The following GRID2 variants were observed in gnomAD, a reference collection of about 807,000 sequenced individuals.
GRID2 encodes glutamate ionotropic receptor delta type subunit 2.
GRID2 carries 33 observed loss-of-function variants against 114.8 expected under a neutral mutation model. The ratio of observed to expected loss-of-function variants is 0.29; its 90% confidence interval spans 0.22 to 0.38. GRID2 has a LOEUF of 0.38. Ranked by LOEUF, GRID2 falls within the 10% of genes least tolerant of loss-of-function variation. The pLI is 1.00. For synonymous variants in GRID2, 505 were observed against 449.9 expected, an observed-to-expected ratio of 1.12 and a Z score of -1.55; for missense variants, 1,184 against 1,257.7, an observed-to-expected ratio of 0.94 and a Z score of 0.89.
chr4:93,432,336 T>G (rs1042713229), intron 10 of GRID2, among the ~76,000 whole-genome samples: 1 of 152,078 alleles, frequency 6.6e-6, no homozygotes, highest in Non-Finnish European at 1.5e-5. Flanking sequence ...GGGAATTAAA[T>G]GAGATGAAAG....
intron 2 of GRID2, among the ~76,000 whole-genome samples, chr4:92,994,769 G>A (rs1456232400): frequency 1.3e-5 from 2 of 152,178 alleles, no homozygotes; most frequent in Admixed American, 6.5e-5. Flanking sequence ...ACACCACACA[G>A]TCTTTCACAT....
chr4:93,140,410 G>A (rs1055132321), intron 4 of GRID2, among the ~76,000 whole-genome samples: 2 of 152,052 alleles, frequency 1.3e-5, no homozygotes, highest in Non-Finnish European at 2.9e-5. Context: ...CGCCTGCCTA[G>A]GCCTCCCAAA....
chr4:93,235,966 CT>C (rs1746738727), intron 7 of GRID2, among the ~76,000 whole-genome samples: 1 of 151,906 alleles, frequency 6.6e-6, no homozygotes, highest in African/African-American at 2.4e-5. Context: ...TATATGATAT[CT>C]TTTTCGTATA....
intron 1 of GRID2, among the ~76,000 whole-genome samples, chr4:92,472,883 A>G (rs1009049749): frequency 1.6e-4 from 25 of 152,042 alleles, no homozygotes; most frequent in African/African-American, 6.0e-4. Context: ...TGACCTTAAC[A>G]GTGTTTTTCA....
intron 5 of GRID2, among the ~76,000 whole-genome samples, chr4:93,210,488 G>A (rs1743328065): frequency 6.6e-6 from 1 of 152,068 alleles, no homozygotes; most frequent in African/African-American, 2.4e-5. Flanking sequence ...TTTGGTTAGT[G>A]TAGCACTGTA....
At chr4:93,653,322 T>C (rs1722749260) in intron 14 of GRID2, among the ~76,000 whole-genome samples, 1 of 152,172 alleles carries the variant, frequency 6.6e-6, no homozygotes, top group African/African-American at 2.4e-5. Context: ...AGAAGGCAAA[T>C]TCCGTTTTTA....
At chr4:92,648,072 T>G (rs922243441) in intron 2 of GRID2, among the ~76,000 whole-genome samples, 1 of 149,936 alleles carries the variant, frequency 6.7e-6, no homozygotes, top group Non-Finnish European at 1.5e-5. Flanking sequence ...TATCCTGAAA[T>G]TTTTGATGAA....
intron 8 of GRID2, among the ~76,000 whole-genome samples, chr4:93,321,827 T>C (rs1442015414): frequency 2.0e-5 from 3 of 151,896 alleles, no homozygotes; most frequent in Non-Finnish European, 4.4e-5. Flanking sequence ...ATTGACATCT[T>C]TACCCTCCTC....
chr4:92,790,265 C>T (rs1439947729), intron 2 of GRID2, among the ~76,000 whole-genome samples: 1 of 151,542 alleles, frequency 6.6e-6, no homozygotes, highest in Admixed American at 6.6e-5. Context: ...GATTCCATCA[C>T]CTCTAAATAT....
rs554243356 is a variant in GRID2 at position 93,336,150 on chromosome 4, C to T, written c.1246-59457C>T. On this transcript the variant is annotated intron_variant, in intron 8 of 15. Transcript: ENST00000282020. ...AAATAAAATTGTAGATACATAAAAG[C>T]GTATATCTGTCCCTTCTCCTCTCTT... 2.0e-5 allele frequency among the ~76,000 whole-genome samples: 3 copies of T among 152,186 alleles called. No homozygotes were observed. In the South Asian group the frequency reaches 6.2e-4, roughly 32 times the overall value.
At chr4:93,259,042 GA>G (rs970196407) in intron 8 of GRID2, 31 of 387,398 alleles carry the variant, frequency 8.0e-5, no homozygotes, top group Non-Finnish European at 1.3e-4. Flanking sequence ...AAAGATTAAA[GA>G]AAAAAAAGTA....
chr4:93,785,851 G>A (rs1734580556), intron 1 of GRID2, among the ~76,000 whole-genome samples: 1 of 152,136 alleles, frequency 6.6e-6, no homozygotes, highest in African/African-American at 2.4e-5. Flanking sequence ...AAGGAAAGAG[G>A]TGGAAAGATA....
At chr4:92,780,618 C>A (rs1739021443) in intron 2 of GRID2, among the ~76,000 whole-genome samples, 1 of 152,034 alleles carries the variant, frequency 6.6e-6, no homozygotes, top group Admixed American at 6.6e-5. Context: ...AGCACTTAGT[C>A]CTTAAGGTTT....
chr4:93,516,910 C>T (rs562148457), intron 13 of GRID2, among the ~76,000 whole-genome samples: 2 of 152,156 alleles, frequency 1.3e-5, no homozygotes, highest in Non-Finnish European at 2.9e-5. Flanking sequence ...AGCCAAAGCT[C>T]CCCCTGCCTT....
At chr4:93,420,357 C>A (rs1264545920) in intron 9 of GRID2, among the ~76,000 whole-genome samples, 1 of 152,084 alleles carries the variant, frequency 6.6e-6, no homozygotes, top group Non-Finnish European at 1.5e-5. Flanking sequence ...ACCTCAGGAC[C>A]AACTTTAGTG....
chr4:93,371,483 C>T (rs765104936), intron 8 of GRID2, among the ~76,000 whole-genome samples: 2 of 151,496 alleles, frequency 1.3e-5, no homozygotes, highest in Admixed American at 6.6e-5. Flanking sequence ...TTTACTCAAT[C>T]GTTCCAGAAA....
chr4:93,571,339 G>A (rs1036549322), intron 13 of GRID2, among the ~76,000 whole-genome samples: 1 of 151,950 alleles, frequency 6.6e-6, no homozygotes, highest in African/African-American at 2.4e-5. Flanking sequence ...TGGAAGAAAT[G>A]CATATAATGT....
At chr4:92,860,481 T>C (rs1431522873) in intron 2 of GRID2, among the ~76,000 whole-genome samples, 1 of 152,128 alleles carries the variant, frequency 6.6e-6, no homozygotes, top group Non-Finnish European at 1.5e-5. Flanking sequence ...ATTACAATGA[T>C]AGATTTGATG....
At chr4:92,977,521 A>T (rs1187651046) in intron 2 of GRID2, among the ~76,000 whole-genome samples, 3 of 152,190 alleles carry the variant, frequency 2.0e-5, no homozygotes, top group Non-Finnish European at 2.9e-5. Context: ...CTGGTAAAAA[A>T]TATAGATTTT....
Sources: allele counts gnomAD v4.1 joint callset (sites outside exome capture counted in the v4.1 genomes callset), GRCh38; gene constraint gnomAD v4.1.1; transcripts MANE v1.5; gene names NCBI Gene and HGNC (gene_info 2026-07-23, HGNC 2026-07-21).